Variants in FAM227B observed in about 807,000 individuals in gnomAD.
FAM227B encodes protein FAM227B.
A neutral mutation model predicts 73.8 loss-of-function variants in FAM227B; 88 were observed. The observed-to-expected ratio is 1.19, with a 90% confidence interval of 1.00 to 1.42. FAM227B has a LOEUF of 1.42. Ranked by LOEUF, FAM227B falls within the 40% of genes most tolerant of loss-of-function variation. FAM227B has a pLI of 0.00. For missense variants in FAM227B, 632 were observed against 590.9 expected, an observed-to-expected ratio of 1.07 and a Z score of -0.72; for synonymous variants, 210 against 190.5, an observed-to-expected ratio of 1.10 and a Z score of -0.84.
At chr15:49,595,159 C>A (rs973884923) in intron 3 of FAM227B, among the ~76,000 whole-genome samples, 1 of 151,756 alleles carries the variant, frequency 6.6e-6, no homozygotes, top group Non-Finnish European at 1.5e-5. Flanking sequence ...AGACATACTC[C>A]TAAGTATTTT....
intron 11 of FAM227B, among the ~76,000 whole-genome samples, chr15:49,439,535 A>G (rs2051434716): frequency 6.6e-6 from 1 of 151,774 alleles, no homozygotes; most frequent in Non-Finnish European, 1.5e-5. Context: ...GCATCTGAAG[A>G]ATTTTTAGTC....
chr15:49,328,340 C>T lies in FAM227B; in HGVS notation c.*228G>A. On this transcript the variant is annotated 3_prime_UTR_variant, in exon 16 of 16. Coordinates refer to ENST00000299338, the MANE Select transcript of FAM227B (RefSeq NM_152647.3). ...CTATGCTTCATAATGATTCTTTTTCCATCTTAAAATATGGTTTTACTATTA... is the reference window on the plus strand; with the variant it reads ...CTATGCTTCATAATGATTCTTTTTCTATCTTAAAATATGGTTTTACTATTA... 1.4e-6 allele frequency: 2 copies of T among 1,428,358 alleles called. No homozygotes were observed. Among genetic ancestry groups the T allele is most frequent in the Middle Eastern group, 5.2e-4 (2 of 3,878 alleles). 88.5% of individuals were successfully genotyped at this position (1,428,358 alleles called of 1,614,324 possible).
At chr15:49,345,047 G>A (rs2041266310) in intron 13 of FAM227B, among the ~76,000 whole-genome samples, 2 of 152,086 alleles carry the variant, frequency 1.3e-5, no homozygotes, top group Admixed American at 6.6e-5. Context: ...TTCTTCCTCA[G>A]AGTGCCTGTT....
At chr15:49,542,952 T>G (rs1276995897) in intron 9 of FAM227B, among the ~76,000 whole-genome samples, 2 of 152,048 alleles carry the variant, frequency 1.3e-5, no homozygotes, top group Non-Finnish European at 2.9e-5. Context: ...AATTGCAAAT[T>G]GTGCTGCTAT....
intron 9 of FAM227B, among the ~76,000 whole-genome samples, chr15:49,542,907 G>C (rs997311148): frequency 6.6e-6 from 1 of 151,610 alleles, no homozygotes; most frequent in Admixed American, 6.6e-5. Context: ...CCACTTGTTG[G>C]TTGATAGGCA....
intron 10 of FAM227B, among the ~76,000 whole-genome samples, chr15:49,528,518 C>T (rs753391665): frequency 5.9e-5 from 9 of 151,612 alleles, no homozygotes; most frequent in Admixed American, 2.6e-4. Flanking sequence ...ACCTAAAAAC[C>T]GTCTGCACAG....
intron 11 of FAM227B, among the ~76,000 whole-genome samples, chr15:49,435,826 G>T (rs1195392862): frequency 6.6e-6 from 1 of 151,546 alleles, no homozygotes; most frequent in African/African-American, 2.4e-5. Flanking sequence ...CTGTATAGAA[G>T]TAAATCTGTT....
chr15:49,459,803 G>A (rs549465323), intron 11 of FAM227B, among the ~76,000 whole-genome samples: 1 of 152,228 alleles, frequency 6.6e-6, no homozygotes, highest in African/African-American at 2.4e-5. Flanking sequence ...GCTCCTGTGT[G>A]CATCTCTTTC....
chr15:49,434,591 G>T (rs1036143696), intron 11 of FAM227B: 3 of 151,616 alleles, frequency 2.0e-5, no homozygotes, highest in Admixed American at 6.6e-5. Context: ...TAACAGTACT[G>T]CAAGATTGGG....
chr15:49,329,264 T>A, intron 15 of FAM227B: 1 of 985,454 alleles, frequency 1.0e-6, no homozygotes, highest in Non-Finnish European at 1.2e-6. Context: ...GCAGAAATGT[T>A]TGGCTGGTGA....
chr15:49,424,461 G>A (rs1567249491), intron 11 of FAM227B: 1 of 1,613,538 alleles, frequency 6.2e-7, no homozygotes, highest in South Asian at 1.1e-5. Context: ...CACACAAGAA[G>A]TTATGATTAC....
At chr15:49,411,297 G>A (rs2048859594) in intron 11 of FAM227B, among the ~76,000 whole-genome samples, 3 of 152,018 alleles carry the variant, frequency 2.0e-5, no homozygotes, top group Admixed American at 1.3e-4. Context: ...AAGTACTAAC[G>A]AGATGAGGAA....
Position 49,398,110 on chromosome 15 carries a change from A to G in FAM227B, c.1013-26711T>C, listed in dbSNP as rs919620273. On this transcript the variant is annotated intron_variant, in intron 11 of 15. Transcript: ENST00000299338. Reference sequence around the variant, plus strand: ...GCTGTATTCAGGAAACCCATCTCACATGCAGAGACACACATAGGCTCAAAA... The same window carrying G: ...GCTGTATTCAGGAAACCCATCTCACGTGCAGAGACACACATAGGCTCAAAA... Among the ~76,000 whole-genome samples, 234 of 152,302 alleles carry G rather than the reference A, an allele frequency of 1.5e-3. 6 individuals carry two copies. In the South Asian group the frequency reaches 0.027, roughly 18 times the overall value.
At chr15:49,522,749 AT>A (rs1461495833) in intron 10 of FAM227B, among the ~76,000 whole-genome samples, 6 of 152,162 alleles carry the variant, frequency 3.9e-5, no homozygotes, top group Admixed American at 6.5e-5. Flanking sequence ...AAAAGAAAGA[AT>A]TTTTTAAAAT....
At chr15:49,605,096 C>T (rs1387175809) in intron 3 of FAM227B, among the ~76,000 whole-genome samples, 1 of 152,178 alleles carries the variant, frequency 6.6e-6, no homozygotes, top group East Asian at 1.9e-4. Context: ...GTTTCCCTGA[C>T]TGCCTTGTTT....
chr15:49,498,203 T>C (rs2057795474), intron 11 of FAM227B, among the ~76,000 whole-genome samples: 1 of 152,210 alleles, frequency 6.6e-6, no homozygotes, highest in Non-Finnish European at 1.5e-5. Flanking sequence ...GTGAAGTGGT[T>C]ATGAGTTCAG....
chr15:49,424,726 G>C (rs2151751014), intron 11 of FAM227B: 1 of 609,968 alleles, frequency 1.6e-6, no homozygotes, highest in East Asian at 2.9e-5. Flanking sequence ...ATTGAACTAT[G>C]TTGAACTATG....
rs180759818 is a variant in FAM227B, at chr15:49,483,369, A to T, written c.1012+24842T>A. The T allele has an allele frequency of 1.6e-3, 942 of 605,604 alleles. 9 individuals are homozygous for T. In the African/African-American group the frequency reaches 0.016, roughly 10 times the overall value. The allele number at this position is 605,604 out of a possible 1,614,324, so 37.5% of individuals were successfully genotyped here. A position where few individuals can be genotyped will look rare whatever the true frequency, so the allele number is the denominator to read the frequency against. On this transcript the variant is annotated intron_variant, in intron 11 of 15. Coordinates refer to ENST00000299338, the MANE Select transcript of FAM227B (RefSeq NM_152647.3). The stretch of plus-strand genomic sequence containing the variant: ...TTATCTCCAACTGTATAATTTAATG[A>T]TTTTATTAAAACACTTTATACTCAA...
chr15:49,397,217 C>T (rs534858534), intron 11 of FAM227B, among the ~76,000 whole-genome samples: 28 of 151,892 alleles, frequency 1.8e-4, no homozygotes, highest in East Asian at 1.2e-3. Flanking sequence ...CCTCAGGAGC[C>T]GACGCGATCA....
Sources: allele counts gnomAD v4.1 joint callset (sites outside exome capture counted in the v4.1 genomes callset), GRCh38; gene constraint gnomAD v4.1.1; transcripts MANE v1.5; gene names NCBI Gene and HGNC (gene_info 2026-07-23, HGNC 2026-07-21).